The following AVPR1A variants were observed in gnomAD, a reference collection of about 807,000 sequenced individuals.
AVPR1A encodes the protein vasopressin V1a receptor.
In AVPR1A, 31 loss-of-function variants were observed where a neutral mutation model predicts 31.5. That is an observed-to-expected ratio of 0.99 (90% CI 0.74 to 1.33). The LOEUF is 1.33. Ranked by LOEUF, AVPR1A falls within the 40% of genes most tolerant of loss-of-function variation. The probability of loss-of-function intolerance (pLI) is 0.00; values close to 1 mark genes in which losing one functional copy is unlikely to be tolerated. For missense variants in AVPR1A, 570 were observed against 575.2 expected, an observed-to-expected ratio of 0.99 and a Z score of 0.09; for synonymous variants, 243 against 233.2, an observed-to-expected ratio of 1.04 and a Z score of -0.38.
chr12:63,149,059 A>T (rs1868404403), intron 1 of AVPR1A, among the ~76,000 whole-genome samples: 1 of 152,204 alleles, frequency 6.6e-6, no homozygotes, highest in Admixed American at 6.5e-5. Flanking sequence ...AAGGAATTAA[A>T]ATCAAACACA....
At chr12:63,149,767 TTTTTTCTCTC>T (rs2048500427) in intron 1 of AVPR1A, 90 bp downstream of exon 1, 4 of 1,141,556 alleles carry the variant, frequency 3.5e-6, no homozygotes, top group East Asian at 3.6e-5. Flanking sequence ...AGATTCTCAT[TTTTTTCTCTC>T]TCTCTCTCTC....
In AVPR1A at chr12:63,149,936, T is replaced by A. The variant is rs1868431655; in HGVS notation, c.901A>T (p.Ile301Phe). ...ATGAAGAAAGGCGCCCAGCAGACGA[T>A]GTAAGCCGTCACGATCACAAAAGTC... ...KMTFVIVTAY[I>F]VCWAPFFIIQ... is the part of the protein sequence containing the mutation. The change falls in exon 1 of 2, where the codon ATC becomes TTC. Residue 301 changes from isoleucine to phenylalanine, a missense_variant. Transcript: ENST00000299178. 1 of 1,613,850 alleles carries A rather than the reference T, an allele frequency of 6.2e-7. No individual in the cohort carries two copies. Among genetic ancestry groups the A allele is most frequent in the Admixed American group, 1.7e-5 (1 of 59,988 alleles).
In AVPR1A at chr12:63,147,021, C is replaced by T. The variant is rs1452394904; in HGVS notation, c.*338G>A. ...CATTTTATGTGACTTTTAAACCAAT[C>T]AAGTCTTACTTATGTTAGAAATGAA... is the stretch of plus-strand genomic sequence containing the variant. On this transcript the variant is annotated 3_prime_UTR_variant, in exon 2 of 2. Transcript: ENST00000299178. 1 of 219,132 alleles carries T rather than the reference C, an allele frequency of 4.6e-6. No homozygotes were observed. Among genetic ancestry groups the T allele is most frequent in the Non-Finnish European group, 9.1e-6 (1 of 109,968 alleles). The allele number at this position is 219,132 out of a possible 1,614,324, so 13.6% of individuals were successfully genotyped here.
chr12:63,149,771 T>TTCTC (rs763217726), intron 1 of AVPR1A, 96 bp downstream of exon 1: 122 of 958,370 alleles, frequency 1.3e-4, no homozygotes, highest in Admixed American at 3.3e-4. Context: ...TCTCATTTTT[T>TTCTC]TCTCTCTCTC....
At chr12:63,148,177 C>T (rs1868385976) in intron 1 of AVPR1A, among the ~76,000 whole-genome samples, 1 of 152,042 alleles carries the variant, frequency 6.6e-6, no homozygotes, top group Admixed American at 6.5e-5. Context: ...AGTTGTTTTT[C>T]TTTGGTTAGA....
At chr12:63,147,918 A>G (rs1489325233) in intron 1 of AVPR1A, among the ~76,000 whole-genome samples, 1 of 152,212 alleles carries the variant, frequency 6.6e-6, no homozygotes, top group Admixed American at 6.5e-5. Context: ...GGTTAAGACT[A>G]TTAAGTAATT....
In AVPR1A at chr12:63,146,661, C is replaced by T. The variant is rs1383627986; in HGVS notation, c.*698G>A. Reference sequence around the variant, plus strand: ...AGATATTTTTGGCCAGTCAACATTTCCTCTCACCTTCAGCATCTCAGTTTT... The same window carrying T: ...AGATATTTTTGGCCAGTCAACATTTTCTCTCACCTTCAGCATCTCAGTTTT... On this transcript the variant is annotated 3_prime_UTR_variant, in exon 2 of 2. Coordinates refer to ENST00000299178, the MANE Select transcript of AVPR1A (RefSeq NM_000706.5). The T allele has an allele frequency of 6.6e-6, 1 of 152,186 alleles. No homozygotes were observed. The highest frequency in any genetic ancestry group is 1.9e-4 in the East Asian group (1 of 5,198). 9.4% of individuals were successfully genotyped at this position (152,186 alleles called of 1,614,324 possible).
chr12:63,147,098 C>T lies in AVPR1A; in HGVS notation c.*261G>A, dbSNP rs189748175. The stretch of plus-strand genomic sequence containing the variant: ...AAAGCTAGGGTGGTTATGATTTTTC[C>T]TTTAAAAATATAACTTCTGTTGTAT... On this transcript the variant is annotated 3_prime_UTR_variant, in exon 2 of 2. Transcript: ENST00000299178. The T allele has an allele frequency of 5.3e-4, 210 of 394,122 alleles. 1 individual carries two copies. The highest frequency in any genetic ancestry group is 3.9e-3 in the African/African-American group (195 of 49,656). The allele number at this position is 394,122 out of a possible 1,614,324, so 24.4% of individuals were successfully genotyped here. A position where few individuals can be genotyped will look rare whatever the true frequency, so the allele number is the denominator to read the frequency against.
chr12:63,150,623 C>CGCT lies in AVPR1A; in HGVS notation c.211_213dup (p.Ser71dup). 4 of 1,609,862 alleles carry CGCT rather than the reference C, an allele frequency of 2.5e-6. No homozygotes were observed. The highest frequency in any genetic ancestry group is 2.5e-6 in the Non-Finnish European group (3 of 1,179,896). ...GGCGTCCGGTGCAGAGCCAGCAGTA[C>CGCT]GCTGCTGTTGCCCAGCACGGCCACC... On this transcript the variant is annotated inframe_insertion, in exon 1 of 2. Coordinates refer to ENST00000299178, the MANE Select transcript of AVPR1A (RefSeq NM_000706.5). The surrounding 1 kb of genome is among the most constrained non-coding windows in gnomAD (Gnocchi z 4.9).
At position 63,150,346 on chromosome 12, in the gene AVPR1A, G is replaced by C. The variant is rs1394474229; in HGVS notation, c.491C>G (p.Ala164Gly). 5 of 1,613,880 alleles carry C rather than the reference G, an allele frequency of 3.1e-6. No individual in the cohort carries two copies. The highest frequency in any genetic ancestry group is 4.2e-6 in the Non-Finnish European group (5 of 1,180,004). The part of the protein sequence containing the change: ...CHPLKTLQQP[A>G]RRSRLMIAAA... ...CGCGATCATGAGGCGCGAGCGGCGC[G>C]CGGGCTGTTGCAGAGTCTTGAGCGG... is the stretch of plus-strand genomic sequence containing the variant. Residue 164 changes from alanine (A) to glycine (G), a missense_variant, in exon 1 of 2, where the codon GCG becomes GGG. Physicochemically the swap from Ala to Gly is moderately conservative, Grantham distance 60 (BLOSUM62 0). Transcript: ENST00000299178. This position sits in a 1 kb window ranked among gnomAD's most constrained non-coding sequence, Gnocchi z 4.9.
intron 1 of AVPR1A, among the ~76,000 whole-genome samples, chr12:63,149,580 A>G (rs1025774792): frequency 3.3e-5 from 5 of 151,806 alleles, no homozygotes; most frequent in African/African-American, 1.2e-4. Flanking sequence ...ATCATTGCAC[A>G]CTACAAATGC....
chr12:63,142,781 A>G lies in AVPR1A; in HGVS notation c.*4578T>C, dbSNP rs1474343868. The G allele has an allele frequency of 6.6e-6, 1 of 152,194 alleles. No individual in the cohort carries two copies. The highest frequency in any genetic ancestry group is 1.5e-5 in the Non-Finnish European group (1 of 68,000). 9.4% of individuals were successfully genotyped at this position (152,194 alleles called of 1,614,324 possible). ...AAATCCAAAACTTATTTTTGTTTAT[A>G]GAAACAAGACAACACACAGTAAAAT... On this transcript the variant is annotated 3_prime_UTR_variant, in exon 2 of 2. Transcript: ENST00000299178.
rs945631623 is a variant in AVPR1A, at chr12:63,150,345, C to T, written c.492G>A (p.Ala164=). 2 of 1,613,770 alleles carry T rather than the reference C, an allele frequency of 1.2e-6. No homozygotes were observed. Among genetic ancestry groups the T allele is most frequent in the Non-Finnish European group, 1.7e-6 (2 of 1,180,012 alleles). The change falls in exon 1 of 2, where the codon GCG becomes GCA. Residue 164 remains alanine, a synonymous_variant. Transcript: ENST00000299178. The surrounding 1 kb of genome is among the most constrained non-coding windows in gnomAD (Gnocchi z 4.9). ...CHPLKTLQQP[A]RRSRLMIAAA... ...CCGCGATCATGAGGCGCGAGCGGCGCGCGGGCTGTTGCAGAGTCTTGAGCG... is the reference window on the plus strand; with the variant it reads ...CCGCGATCATGAGGCGCGAGCGGCGTGCGGGCTGTTGCAGAGTCTTGAGCG...
At position 63,149,728 on chromosome 12, in the gene AVPR1A, C is replaced by A. The variant is rs555319990; in HGVS notation, c.970+139G>T. On this transcript the variant is annotated intron_variant, in intron 1 of 1. Coordinates refer to ENST00000299178, the MANE Select transcript of AVPR1A (RefSeq NM_000706.5). The stretch of plus-strand genomic sequence containing the variant: ...ACACATAGAAGTTTAAAAACTACTG[C>A]CCTAGAAGATACTATGAAGAAAATT... 6 of 1,307,016 alleles carry A rather than the reference C, an allele frequency of 4.6e-6. No individual in the cohort carries two copies. The Admixed American group carries it at 1.4e-4, about 30-fold the overall frequency. The allele number at this position is 1,307,016 out of a possible 1,614,324, so 81.0% of individuals were successfully genotyped here.
At chr12:63,148,389 C>A (rs1424980115) in intron 1 of AVPR1A, among the ~76,000 whole-genome samples, 1 of 152,128 alleles carries the variant, frequency 6.6e-6, no homozygotes, top group East Asian at 1.9e-4. Context: ...TAAACACTGA[C>A]TTTTCCTTGA....
chr12:63,147,540 C>G lies in AVPR1A; in HGVS notation c.1076G>C (p.Cys359Ser), dbSNP rs1418496427. 6 of 1,613,986 alleles carry G rather than the reference C, an allele frequency of 3.7e-6. No individual in the cohort carries two copies. Among genetic ancestry groups the G allele is most frequent in the Non-Finnish European group, 4.2e-6 (5 of 1,180,006 alleles). ...TTGGCAGCATGGGAAGCTTTGAACA[C>G]AGTCTTGAAGGAGATGGCCACTAAA... is the stretch of plus-strand genomic sequence containing the variant. ...MFFSGHLLQD[C>S]VQSFPCCQNM... is the part of the protein sequence containing the mutation. The change falls in exon 2 of 2, where the codon TGT (cysteine) becomes TCT (serine). Residue 359 changes from cysteine to serine, a missense_variant. Cys to Ser is a moderately radical substitution (Grantham distance 112). Coordinates refer to ENST00000299178, the MANE Select transcript of AVPR1A (RefSeq NM_000706.5).
chr12:63,150,392 G>A lies in AVPR1A; in HGVS notation c.445C>T (p.Arg149Cys), dbSNP rs1440280008. ...AGCGGGTGGCACACCGCGATGTAGC[G>A]GTCGGCTGTCATGACTACCAGCATG... ...AYMLVVMTAD[R>C]YIAVCHPLKT... Residue 149 changes from arginine to cysteine, a missense_variant, in exon 1 of 2, where the codon CGC becomes TGC. By Grantham distance (180) the Arg-to-Cys change is radical. Coordinates refer to ENST00000299178, the MANE Select transcript of AVPR1A (RefSeq NM_000706.5). The surrounding 1 kb of genome is among the most constrained non-coding windows in gnomAD (Gnocchi z 4.9). 3.7e-6 allele frequency: 6 copies of A among 1,613,726 alleles called. No individual in the cohort carries two copies. Among genetic ancestry groups the A allele is most frequent in the Non-Finnish European group, 4.2e-6 (5 of 1,179,976 alleles).
At position 63,147,539 on chromosome 12, in the gene AVPR1A, A is replaced by G; in HGVS notation, c.1077T>C (p.Cys359=). ...MFFSGHLLQD[C]VQSFPCCQNM... ...TTTGGCAGCATGGGAAGCTTTGAAC[A>G]CAGTCTTGAAGGAGATGGCCACTAA... is the stretch of plus-strand genomic sequence containing the variant. The change falls in exon 2 of 2, where the codon TGT becomes TGC. Residue 359 remains cysteine (C), a synonymous_variant. Transcript: ENST00000299178. 3 of 1,614,144 alleles carry G rather than the reference A, an allele frequency of 1.9e-6. No homozygotes were observed. Among genetic ancestry groups the G allele is most frequent in the Non-Finnish European group, 2.5e-6 (3 of 1,179,996 alleles).
chr12:63,150,894 C>T lies in AVPR1A; in HGVS notation c.-58G>A. ...GGAGCTCCAGCCCTCGCGGGCCGCT[C>T]CCTCCCCGTCTCGGAGGACTTGGGC... On this transcript the variant is annotated 5_prime_UTR_variant, in exon 1 of 2. Coordinates refer to ENST00000299178, the MANE Select transcript of AVPR1A (RefSeq NM_000706.5). The surrounding 1 kb of genome is among the most constrained non-coding windows in gnomAD (Gnocchi z 4.9). 6.9e-7 allele frequency: 1 copy of T among 1,452,724 alleles called. No homozygotes were observed. The highest frequency in any genetic ancestry group is 9.0e-7 in the Non-Finnish European group (1 of 1,110,598). 90.0% of individuals were successfully genotyped at this position (1,452,724 alleles called of 1,614,324 possible). A position where few individuals can be genotyped will look rare whatever the true frequency, so the allele number is the denominator to read the frequency against.
Sources: allele counts gnomAD v4.1 joint callset (sites outside exome capture counted in the v4.1 genomes callset), GRCh38; gene constraint gnomAD v4.1.1; non-coding constraint Gnocchi (gnomAD v3.1); transcripts MANE v1.5; gene names NCBI Gene and HGNC (gene_info 2026-07-23, HGNC 2026-07-21).